Variants in EXD3 observed in about 807,000 individuals in gnomAD.
The protein encoded by EXD3 is exonuclease 3'-5' domain containing 3, also known as exonuclease mut-7 homolog.
EXD3 carries 92 observed loss-of-function variants against 98.0 expected under a neutral mutation model. The ratio of observed to expected loss-of-function variants is 0.94; its 90% confidence interval spans 0.79 to 1.12. EXD3 has a LOEUF of 1.12. EXD3 is among the 50% of genes most tolerant of loss of function. EXD3 has a pLI of 0.00. For missense variants in EXD3, 1,222 were observed against 1,191.6 expected (o/e 1.03, Z -0.38); for synonymous variants, 569 against 526.0 (o/e 1.08, Z -1.12).
At chr9:137,330,266 G>GCTACACAGGAA (rs1270242305) in intron 17 of EXD3, among the ~76,000 whole-genome samples, 1 of 132,976 alleles carries the variant, frequency 7.5e-6, no homozygotes, top group Non-Finnish European at 1.6e-5. Context: ...CTCCACAGGA[G>GCTACACAGGAA]CTACACAGGA....
At chr9:137,337,396 T>C (rs1390705313) in intron 17 of EXD3, among the ~76,000 whole-genome samples, 1 of 152,130 alleles carries the variant, frequency 6.6e-6, no homozygotes, top group Non-Finnish European at 1.5e-5. Context: ...CTCACACCTA[T>C]AATCCCAGCA....
rs572574461 is a variant in EXD3, at chr9:137,311,624, G to T, written c.2185-1924C>A. 5.9e-5 allele frequency among the ~76,000 whole-genome samples: 9 copies of T among 152,322 alleles called. No individual in the cohort carries two copies. In the South Asian group the frequency reaches 1.9e-3, roughly 32 times the overall value. On this transcript the variant is annotated intron_variant, in intron 19 of 21. Coordinates refer to ENST00000340951, the MANE Select transcript of EXD3 (RefSeq NM_017820.5). Reference sequence around the variant, plus strand: ...CCACCCTCGGGAACCACCGGTGCTGGTTTTCCCACGGCTGCTGCCCGCTGT... The same window carrying T: ...CCACCCTCGGGAACCACCGGTGCTGTTTTTCCCACGGCTGCTGCCCGCTGT...
At chr9:137,319,142 C>T (rs373148121) in intron 19 of EXD3, among the ~76,000 whole-genome samples, 2 of 152,254 alleles carry the variant, frequency 1.3e-5, no homozygotes, top group African/African-American at 4.8e-5. Flanking sequence ...AGCCAGGCCC[C>T]GTGGGCAGCT....
chr9:137,312,222 T>A (rs1249308656), intron 19 of EXD3, among the ~76,000 whole-genome samples: 1 of 148,098 alleles, frequency 6.8e-6, no homozygotes, highest in Non-Finnish European at 1.5e-5. Flanking sequence ...CCTGGGCACC[T>A]CCACCCCACC....
chr9:137,351,587 C>T, intron 12 of EXD3, 59 bp from the exon 13 acceptor site: 3 of 1,496,596 alleles, frequency 2.0e-6, no homozygotes, highest in Non-Finnish European at 1.8e-6. Flanking sequence ...GCAGGGACCA[C>T]AGCCTGGAGG....
intron 16 of EXD3, among the ~76,000 whole-genome samples, chr9:137,348,485 G>A (rs1834054539): frequency 7.4e-6 from 1 of 135,312 alleles, no homozygotes; most frequent in Non-Finnish European, 1.6e-5. Context: ...TGTGTGCCCA[G>A]AGAGGGGTGG....
intron 3 of EXD3, among the ~76,000 whole-genome samples, chr9:137,378,916 T>TA (rs1321199513): frequency 2.1e-5 from 3 of 140,302 alleles, no homozygotes; most frequent in African/African-American, 8.3e-5. Flanking sequence ...CCGAGGGGAA[T>TA]GGGGCATCTG....
chr9:137,377,950 C>A (rs567319128), intron 3 of EXD3, among the ~76,000 whole-genome samples: 1 of 151,310 alleles, frequency 6.6e-6, no homozygotes, highest in African/African-American at 2.4e-5. Flanking sequence ...CAGGCCACCA[C>A]GCCTGGCCAA....
intron 12 of EXD3, 114 bp from the exon 13 acceptor site, chr9:137,351,642 C>G (rs963997395): frequency 1.5e-5 from 14 of 956,768 alleles, no homozygotes; most frequent in Non-Finnish European, 2.2e-5. Context: ...GACGCCCCTG[C>G]ACCCCTGCAT....
At chr9:137,416,277 C>T (rs1481615385) in intron 1 of EXD3, among the ~76,000 whole-genome samples, 1 of 152,234 alleles carries the variant, frequency 6.6e-6, no homozygotes, top group Non-Finnish European at 1.5e-5. Context: ...CAGTCCTCAG[C>T]AGCCCGAGGT....
At chr9:137,398,116 T>G (rs189996641) in intron 1 of EXD3, among the ~76,000 whole-genome samples, 49 of 152,356 alleles carry the variant, frequency 3.2e-4, no homozygotes, top group South Asian at 2.3e-3. Context: ...AGCAGGTGGA[T>G]GGCAGATGAG....
At chr9:137,354,251 G>A (rs777537695) in intron 10 of EXD3, 88 bp downstream of exon 10, 363 of 1,553,500 alleles carry the variant, frequency 2.3e-4, no homozygotes, top group East Asian at 7.5e-4. Context: ...TCAGCTCTGC[G>A]CACTTCCACC....
At chr9:137,354,034 C>T in intron 10 of EXD3, 1 of 1,189,864 alleles carries the variant, frequency 8.4e-7, no homozygotes. Flanking sequence ...TCTCTGGTGA[C>T]TCTCAGCCCC....
chr9:137,329,199 T>G (rs1423483393), intron 17 of EXD3, among the ~76,000 whole-genome samples: 8 of 14,470 alleles, frequency 5.5e-4, no homozygotes, highest in Admixed American at 3.8e-3. Flanking sequence ...TACACGGGGC[T>G]ACACGGGGCT....
intron 1 of EXD3, among the ~76,000 whole-genome samples, chr9:137,402,627 C>T (rs1029750201): frequency 6.6e-6 from 1 of 152,200 alleles, no homozygotes; most frequent in African/African-American, 2.4e-5. Context: ...ATCTTCTTGT[C>T]TTCTGAGCCC....
In EXD3 at chr9:137,403,953, G is replaced by A. The variant is rs1286859802; in HGVS notation, c.-47-8549C>T. 2.0e-5 allele frequency among the ~76,000 whole-genome samples: 3 copies of A among 149,822 alleles called. No homozygotes were observed. Among genetic ancestry groups the A allele is most frequent in the African/African-American group, 2.4e-5 (1 of 41,036 alleles). On this transcript the variant is annotated intron_variant, in intron 1 of 21. Transcript: ENST00000340951. This position sits in a 1 kb window ranked among gnomAD's most constrained non-coding sequence, Gnocchi z 6.1. The stretch of plus-strand genomic sequence containing the variant: ...AGGATGTGGAGTGTCCTCCAGGGCC[G>A]TACAAAGCACCACACACAGGGCGCG...
At position 137,307,135 on chromosome 9, in the gene EXD3, C is replaced by T; in HGVS notation, c.2446G>A (p.Val816Ile). 1 of 1,600,108 alleles carries T rather than the reference C, an allele frequency of 6.2e-7. No homozygotes were observed. The highest frequency in any genetic ancestry group is 8.5e-7 in the Non-Finnish European group (1 of 1,174,322). The change falls in exon 22 of 22, where the codon GTC becomes ATC. Residue 816 changes from valine (V) to isoleucine (I), a missense_variant. Coordinates refer to ENST00000340951, the MANE Select transcript of EXD3 (RefSeq NM_017820.5). Reference sequence around the variant, plus strand: ...GGTGTCCTCAGCACACCCACCGGGACCCCTGCCAGCTGCAGCCGGGTGCCG... The same window carrying T: ...GGTGTCCTCAGCACACCCACCGGGATCCCTGCCAGCTGCAGCCGGGTGCCG... The part of the protein sequence containing the change: ...ADGTRLQLAG[V>I]PVGVLRTPGL...
intron 2 of EXD3, among the ~76,000 whole-genome samples, chr9:137,389,547 A>T (rs1326704188): frequency 6.6e-6 from 1 of 152,154 alleles, no homozygotes. Flanking sequence ...TGTGGACCCC[A>T]CAAGGAGGCA....
chr9:137,382,761 C>T (rs1836380848), intron 3 of EXD3, among the ~76,000 whole-genome samples: 1 of 152,130 alleles, frequency 6.6e-6, no homozygotes, highest in Non-Finnish European at 1.5e-5. Context: ...GACCTCGGGC[C>T]AGAGGACGCG....
Sources: gnomAD v4.1 joint callset for allele counts (sites outside exome capture counted in the v4.1 genomes callset) on GRCh38, gnomAD v4.1.1 for gene constraint, Gnocchi (gnomAD v3.1) non-coding constraint, MANE v1.5 for transcripts, NCBI Gene and HGNC (gene_info 2026-07-23, HGNC 2026-07-21) for gene names.